The following ZNF26 variants were observed in gnomAD, a reference collection of about 807,000 sequenced individuals.
The protein encoded by ZNF26 is zinc finger protein 26.
ZNF26 carries 32 observed loss-of-function variants against 54.9 expected under a neutral mutation model. That is an observed-to-expected ratio of 0.58 (90% CI 0.44 to 0.78). The LOEUF is 0.78. Among genes scored for constraint, ZNF26 ranks in the 30% least tolerant of loss-of-function variants. ZNF26 has a pLI of 0.00. For missense variants in ZNF26, 524 were observed against 634.0 expected (o/e 0.83, Z 1.86); for synonymous variants, 221 against 209.2 (o/e 1.06, Z -0.49).
Position 133,017,096 on chromosome 12 carries a change from T to C in ZNF26, c.*5615T>C, listed in dbSNP as rs1206222668. 1 of 152,176 alleles carries C rather than the reference T, an allele frequency of 6.6e-6. No homozygotes were observed. The highest frequency in any genetic ancestry group is 1.5e-5 in the Non-Finnish European group (1 of 68,030). The allele number at this position is 152,176 out of a possible 1,614,324, so 9.4% of individuals were successfully genotyped here. A position where few individuals can be genotyped will look rare whatever the true frequency, so the allele number is the denominator to read the frequency against. On this transcript the variant is annotated 3_prime_UTR_variant, in exon 4 of 4. Transcript: ENST00000328654. ...GGAAACATAAAAAAATAAAAAGTCA[T>C]GCTCGGCCAAATCTAAACAGACTTA...
chr12:133,008,577 C>A (rs1483693803), intron 3 of ZNF26, among the ~76,000 whole-genome samples: 2 of 151,566 alleles, frequency 1.3e-5, no homozygotes, highest in Non-Finnish European at 1.5e-5. Context: ...GAGATGGAGA[C>A]CATCCTGACT....
rs922687573 is a variant in ZNF26 at position 133,023,183 on chromosome 12, A to G, written c.*11702A>G. On this transcript the variant is annotated 3_prime_UTR_variant, in exon 4 of 4. Transcript: ENST00000328654. ...CCATACGCCAGTCAAATAAAAATAG[A>G]TAACACATTTTTCAGTTTTCTAGAA... 2.0e-5 allele frequency: 3 copies of G among 152,254 alleles called. No individual in the cohort carries two copies. The highest frequency in any genetic ancestry group is 2.9e-5 in the Non-Finnish European group (2 of 68,044). 9.4% of individuals were successfully genotyped at this position (152,254 alleles called of 1,614,324 possible). A position where few individuals can be genotyped will look rare whatever the true frequency, so the allele number is the denominator to read the frequency against.
At chr12:132,993,492 G>T (rs1248792946) in intron 1 of ZNF26, among the ~76,000 whole-genome samples, 4 of 148,594 alleles carry the variant, frequency 2.7e-5, no homozygotes, top group African/African-American at 9.9e-5. Context: ...TTTTTGAGAT[G>T]GAGTCCAGGC....
rs1953557437 is a variant in ZNF26, at chr12:133,015,692, A to G, written c.*4211A>G. The G allele has an allele frequency of 6.6e-6, 1 of 152,178 alleles. No homozygotes were observed. Among genetic ancestry groups the G allele is most frequent in the Non-Finnish European group, 1.5e-5 (1 of 68,032 alleles). 9.4% of individuals were successfully genotyped at this position (152,178 alleles called of 1,614,324 possible). On this transcript the variant is annotated 3_prime_UTR_variant, in exon 4 of 4. Transcript: ENST00000328654. The stretch of plus-strand genomic sequence containing the variant: ...CTATATAATAATAATACAGAAGACA[A>G]ATGTCAATGTTGCTGAAAAGCCAAA...
At position 133,022,545 on chromosome 12, in the gene ZNF26, A is replaced by G. The variant is rs2222729; in HGVS notation, c.*11064A>G. On this transcript the variant is annotated 3_prime_UTR_variant, in exon 4 of 4. Transcript: ENST00000328654. ...TGTGTCAGTATTCTGGCTGTGATAT[A>G]CTGTAGTGTTGCAAAATGTTAGCAT... The G allele has an allele frequency of 0.92, 139,930 of 152,200 alleles. 64,673 individuals are homozygous for G. Among genetic ancestry groups the G allele is most frequent in the East Asian group, 1 (5,173 of 5,180 alleles). The allele number at this position is 152,200 out of a possible 1,614,324, so 9.4% of individuals were successfully genotyped here.
In ZNF26 at chr12:133,016,633, T is replaced by C. The variant is rs1414529914; in HGVS notation, c.*5152T>C. On this transcript the variant is annotated 3_prime_UTR_variant, in exon 4 of 4. Transcript: ENST00000328654. ...AACCCCATCTCTGAAAAAAAAAAAA[T>C]ACCCCGGGATGGTGGCTTAGGGCTG... 3 of 149,320 alleles carry C rather than the reference T, an allele frequency of 2.0e-5. No individual in the cohort carries two copies. The highest frequency in any genetic ancestry group is 4.5e-5 in the Non-Finnish European group (3 of 67,284). The allele number at this position is 149,320 out of a possible 1,614,324, so 9.2% of individuals were successfully genotyped here.
chr12:132,986,593 G>C lies in ZNF26; in HGVS notation c.-248G>C. The C allele has an allele frequency of 1.7e-6, 1 of 580,666 alleles. No individual in the cohort carries two copies. Among genetic ancestry groups the C allele is most frequent in the Non-Finnish European group, 3.1e-6 (1 of 324,266 alleles). 36.0% of individuals were successfully genotyped at this position (580,666 alleles called of 1,614,324 possible). A position where few individuals can be genotyped will look rare whatever the true frequency, so the allele number is the denominator to read the frequency against. On this transcript the variant is annotated 5_prime_UTR_variant, in exon 1 of 4. Transcript: ENST00000328654. ...TCAGCCTCCTGCTCTCCCGAGTCAGGGCCACGGAAAGGCACAAATCCATCC... is the reference window on the plus strand; with the variant it reads ...TCAGCCTCCTGCTCTCCCGAGTCAGCGCCACGGAAAGGCACAAATCCATCC...
intron 1 of ZNF26, chr12:132,987,704 A>C (rs1205664828): frequency 1.0e-6 from 1 of 985,326 alleles, no homozygotes; most frequent in Non-Finnish European, 1.2e-6. Context: ...GAAATACATA[A>C]AGACACCTTA....
Position 133,007,579 on chromosome 12 carries a change from A to T in ZNF26, c.256+47A>T, listed in dbSNP as rs1475080645. On this transcript the variant is annotated intron_variant, in intron 3 of 3. Transcript: ENST00000328654. Reference sequence around the variant, plus strand: ...AGGTGGGAGGCATGGGAGTGAGCTGATGAGTACCTGAGGAGTGGGCACTCA... The same window carrying T: ...AGGTGGGAGGCATGGGAGTGAGCTGTTGAGTACCTGAGGAGTGGGCACTCA... The T allele has an allele frequency of 2.9e-6, 4 of 1,399,882 alleles. No individual in the cohort carries two copies. The African/African-American group carries it at 4.2e-5, about 15-fold the overall frequency. 86.7% of individuals were successfully genotyped at this position (1,399,882 alleles called of 1,614,324 possible). A position where few individuals can be genotyped will look rare whatever the true frequency, so the allele number is the denominator to read the frequency against.
chr12:133,007,364 C>G (rs1446294986), intron 2 of ZNF26, 73 bp from the exon 3 acceptor site: 5 of 1,395,842 alleles, frequency 3.6e-6, no homozygotes, highest in Non-Finnish European at 5.0e-6. Flanking sequence ...AGCAGTTTTG[C>G]TCTGTAGCTC....
chr12:133,010,296 A>G lies in ZNF26; in HGVS notation c.417A>G (p.Ser139=). ...GTGGAAAAAGTTTGACACAAAACTC[A>G]GCTCCAAGCAGAAGTTATTTAAGAA... ...NTRGKSLTQN[S]APSRSYLRKN... Residue 139 remains serine (S), a synonymous_variant, in exon 4 of 4, where the codon TCA becomes TCG. Coordinates refer to ENST00000328654, the MANE Select transcript of ZNF26 (RefSeq NM_019591.4). 6.2e-7 allele frequency: 1 copy of G among 1,614,042 alleles called. No individual in the cohort carries two copies. Among genetic ancestry groups the G allele is most frequent in the Non-Finnish European group, 8.5e-7 (1 of 1,180,004 alleles).
In ZNF26 at chr12:133,023,931, CAT is replaced by C. The variant is rs1953672694; in HGVS notation, c.*12452_*12453del. 1 of 152,136 alleles carries C rather than the reference CAT, an allele frequency of 6.6e-6. No individual in the cohort carries two copies. Among genetic ancestry groups the C allele is most frequent in the Non-Finnish European group, 1.5e-5 (1 of 68,018 alleles). The allele number at this position is 152,136 out of a possible 1,614,324, so 9.4% of individuals were successfully genotyped here. ...ACCACATAGAGAGGCTCTGAGATTA[CAT>C]AAAGAGATGCTTGTTCAGCCCCATA... On this transcript the variant is annotated 3_prime_UTR_variant, in exon 4 of 4. Coordinates refer to ENST00000328654, the MANE Select transcript of ZNF26 (RefSeq NM_019591.4).
Position 133,022,250 on chromosome 12 carries a change from C to G in ZNF26, c.*10769C>G, listed in dbSNP as rs1953653591. ...AAATTAAAGTCATTAAAAAGAAAAACTGAATTTTGCAAAATTATTGGATGT... is the reference window on the plus strand; with the variant it reads ...AAATTAAAGTCATTAAAAAGAAAAAGTGAATTTTGCAAAATTATTGGATGT... On this transcript the variant is annotated 3_prime_UTR_variant, in exon 4 of 4. Coordinates refer to ENST00000328654, the MANE Select transcript of ZNF26 (RefSeq NM_019591.4). 6.6e-6 allele frequency: 1 copy of G among 152,058 alleles called. No homozygotes were observed. Among genetic ancestry groups the G allele is most frequent in the Non-Finnish European group, 1.5e-5 (1 of 68,020 alleles). 9.4% of individuals were successfully genotyped at this position (152,058 alleles called of 1,614,324 possible).
At position 133,022,959 on chromosome 12, in the gene ZNF26, A is replaced by T. The variant is rs1025160655; in HGVS notation, c.*11478A>T. 2 of 152,222 alleles carry T rather than the reference A, an allele frequency of 1.3e-5. No individual in the cohort carries two copies. Among genetic ancestry groups the T allele is most frequent in the African/African-American group, 2.4e-5 (1 of 41,462 alleles). 9.4% of individuals were successfully genotyped at this position (152,222 alleles called of 1,614,324 possible). ...GAAAATGATAATCAAAATCTTTAGG[A>T]TAGTGTCTACACCCTGTGGAAGAAG... On this transcript the variant is annotated 3_prime_UTR_variant, in exon 4 of 4. Transcript: ENST00000328654.
chr12:132,989,499 A>G (rs1194507708), intron 1 of ZNF26, among the ~76,000 whole-genome samples: 2 of 152,202 alleles, frequency 1.3e-5, no homozygotes, highest in East Asian at 3.8e-4. Context: ...TGGACTATTT[A>G]CATATACATA....
At chr12:133,004,589 C>A (rs1341921821) in intron 1 of ZNF26, 1 of 152,094 alleles carries the variant, frequency 6.6e-6, no homozygotes, top group African/African-American at 2.4e-5. Context: ...GTGCTCAAAC[C>A]ATCCTTCCAC....
intron 1 of ZNF26, among the ~76,000 whole-genome samples, chr12:133,002,913 C>T (rs1953249731): frequency 6.6e-6 from 1 of 152,094 alleles, no homozygotes; most frequent in African/African-American, 2.4e-5. Flanking sequence ...TGTGAATCAC[C>T]ATGCCCAGCC....
chr12:133,023,277 A>G lies in ZNF26; in HGVS notation c.*11796A>G, dbSNP rs1953664366. 6.6e-6 allele frequency: 1 copy of G among 152,234 alleles called. No individual in the cohort carries two copies. The highest frequency in any genetic ancestry group is 2.1e-4 in the South Asian group (1 of 4,834). The allele number at this position is 152,234 out of a possible 1,614,324, so 9.4% of individuals were successfully genotyped here. ...TGAATAAAATCAACAATAAATAACA[A>G]AATTGAATTGGAGTATCAAAAGCTT... On this transcript the variant is annotated 3_prime_UTR_variant, in exon 4 of 4. Coordinates refer to ENST00000328654, the MANE Select transcript of ZNF26 (RefSeq NM_019591.4).
chr12:132,987,176 A>C, intron 1 of ZNF26, among the ~76,000 whole-genome samples: 1 of 152,090 alleles, frequency 6.6e-6, no homozygotes, highest in Non-Finnish European at 1.5e-5. Flanking sequence ...TCTTATGGAG[A>C]CCCTTAGAAC....
Sources: allele counts gnomAD v4.1 joint callset (sites outside exome capture counted in the v4.1 genomes callset), GRCh38; gene constraint gnomAD v4.1.1; transcripts MANE v1.5; gene names NCBI Gene and HGNC (gene_info 2026-07-23, HGNC 2026-07-21).